HACD2: variants seen among roughly 807,000 people sequenced by gnomAD.
The protein encoded by HACD2 is very-long-chain (3R)-3-hydroxyacyl-CoA dehydratase 2.
In HACD2, 15 loss-of-function variants were observed where a neutral mutation model predicts 31.0. That is an observed-to-expected ratio of 0.48 (90% CI 0.32 to 0.75). The LOEUF (loss-of-function observed/expected upper bound fraction) is 0.75, where lower values mean the gene tolerates loss of function less well. Among genes scored for constraint, HACD2 ranks in the 30% least tolerant of loss-of-function variants. The pLI is 0.03. For synonymous variants in HACD2, 115 were observed against 122.2 expected, an observed-to-expected ratio of 0.94 and a Z score of 0.39; for missense variants, 283 against 313.0, an observed-to-expected ratio of 0.90 and a Z score of 0.72.
At chr3:123,572,815 C>G (rs1444597424) in intron 2 of HACD2, among the ~76,000 whole-genome samples, 1 of 152,200 alleles carries the variant, frequency 6.6e-6, no homozygotes, top group African/African-American at 2.4e-5. Flanking sequence ...TTCAAGACCT[C>G]AGCTGCAGCC....
At chr3:123,536,264 C>A (rs905569536) in intron 3 of HACD2, among the ~76,000 whole-genome samples, 1 of 152,232 alleles carries the variant, frequency 6.6e-6, no homozygotes, top group East Asian at 1.9e-4. Flanking sequence ...AAATTCAAAT[C>A]CTTAAATTGT....
chr3:123,506,535 T>A (rs2055977457), intron 4 of HACD2, among the ~76,000 whole-genome samples: 1 of 152,152 alleles, frequency 6.6e-6, no homozygotes, highest in Non-Finnish European at 1.5e-5. Flanking sequence ...TCAGGACTGA[T>A]CCTCCCACCT....
intron 3 of HACD2, among the ~76,000 whole-genome samples, chr3:123,544,231 G>T (rs976714349): frequency 3.9e-5 from 6 of 152,134 alleles, no homozygotes; most frequent in African/African-American, 1.4e-4. Flanking sequence ...AGTGAAGCTT[G>T]TCAAAGTACT....
intron 3 of HACD2, among the ~76,000 whole-genome samples, chr3:123,534,650 GTCCT>G (rs1365416677): frequency 6.6e-6 from 1 of 152,082 alleles, no homozygotes; most frequent in Non-Finnish European, 1.5e-5. Context: ...ATTTAGGCAA[GTCCT>G]TCAGGAGGTA....
intron 2 of HACD2, among the ~76,000 whole-genome samples, chr3:123,580,440 C>A (rs942078176): frequency 6.6e-6 from 1 of 152,058 alleles, no homozygotes; most frequent in African/African-American, 2.4e-5. Flanking sequence ...CACACCACTG[C>A]ACTTCAGCCT....
intron 4 of HACD2, among the ~76,000 whole-genome samples, chr3:123,518,904 G>A (rs1164706283): frequency 6.6e-6 from 1 of 151,048 alleles, no homozygotes; most frequent in African/African-American, 2.4e-5. Context: ...GGCTGAGGCA[G>A]GAGAATCGCT....
At chr3:123,502,232 T>C (rs935107664) in intron 5 of HACD2, among the ~76,000 whole-genome samples, 2 of 152,096 alleles carry the variant, frequency 1.3e-5, no homozygotes, top group African/African-American at 4.8e-5. Context: ...AATGTGATGA[T>C]ATGGACAAAA....
intron 3 of HACD2, among the ~76,000 whole-genome samples, chr3:123,542,424 A>G (rs1475672815): frequency 6.6e-6 from 1 of 152,200 alleles, no homozygotes; most frequent in Non-Finnish European, 1.5e-5. Flanking sequence ...AAACAACCAT[A>G]CTCACATTTT....
At chr3:123,536,553 C>T (rs897351556) in intron 3 of HACD2, among the ~76,000 whole-genome samples, 12 of 152,156 alleles carry the variant, frequency 7.9e-5, no homozygotes, top group African/African-American at 1.9e-4. Context: ...TTATCCCCAA[C>T]GACGGGGATG....
chr3:123,500,230 C>T (rs1384208974), intron 6 of HACD2, among the ~76,000 whole-genome samples: 1 of 152,134 alleles, frequency 6.6e-6, no homozygotes, highest in Non-Finnish European at 1.5e-5. Context: ...GTTTTCCATT[C>T]AGTACTTTCC....
chr3:123,502,404 T>C (rs1278564747), intron 5 of HACD2, among the ~76,000 whole-genome samples, 156 bp downstream of exon 5: 2 of 152,186 alleles, frequency 1.3e-5, no homozygotes, highest in African/African-American at 4.8e-5. Flanking sequence ...CAAAGTTAAG[T>C]ACAGACTCCT....
At chr3:123,504,776 T>C (rs2055952012) in intron 4 of HACD2, among the ~76,000 whole-genome samples, 1 of 152,210 alleles carries the variant, frequency 6.6e-6, no homozygotes, top group South Asian at 2.1e-4. Flanking sequence ...TGCAAAATCA[T>C]TTCTTCCAAT....
intron 2 of HACD2, among the ~76,000 whole-genome samples, chr3:123,569,402 C>A (rs1025317242): frequency 7.9e-5 from 12 of 152,180 alleles, no homozygotes; most frequent in Non-Finnish European, 1.6e-4. Flanking sequence ...TATTCTGTCA[C>A]CCAGGCAGAG....
chr3:123,567,793 A>G lies in HACD2; in HGVS notation c.274-13T>C. 6.7e-7 allele frequency: 1 copy of G among 1,481,868 alleles called. No homozygotes were observed. The allele number at this position is 1,481,868 out of a possible 1,614,324, so 91.8% of individuals were successfully genotyped here. A position where few individuals can be genotyped will look rare whatever the true frequency, so the allele number is the denominator to read the frequency against. ...CACAATGTAAAATCTAGAGGAAAAA[A>G]GGGGAAAAAAGAGGAGAATTAGTAA... On this transcript the variant is annotated splice_polypyrimidine_tract_variant and intron_variant, in intron 2 of 6. Transcript: ENST00000383657.
At position 123,534,029 on chromosome 3, in the gene HACD2, AGT is replaced by A. The variant is rs62840760; in HGVS notation, c.293-5557_293-5556del. On this transcript the variant is annotated intron_variant, in intron 3 of 6. Coordinates refer to ENST00000383657, the MANE Select transcript of HACD2 (RefSeq NM_198402.5). ...CTGGCAGATAAAAGAAACATAGTGGAGTGTGTGTGTGTGTGTGTGTGTGAAGC... is the reference window on the plus strand; with the variant it reads ...CTGGCAGATAAAAGAAACATAGTGGAGTGTGTGTGTGTGTGTGTGTGAAGC... 4.6e-3 allele frequency among the ~76,000 whole-genome samples: 689 copies of A among 149,940 alleles called. 5 individuals are homozygous for A. The highest frequency in any genetic ancestry group is 0.016 in the African/African-American group (661 of 41,020).
chr3:123,527,187 T>C (rs186201399), intron 4 of HACD2, among the ~76,000 whole-genome samples: 1 of 152,206 alleles, frequency 6.6e-6, no homozygotes, highest in Non-Finnish European at 1.5e-5. Context: ...AAATTATGAG[T>C]TGTTGGTTAA....
chr3:123,520,573 T>C (rs2107698956), intron 4 of HACD2, among the ~76,000 whole-genome samples: 1 of 152,354 alleles, frequency 6.6e-6, no homozygotes, highest in Middle Eastern at 3.4e-3. Flanking sequence ...AAAGTTCTAT[T>C]GGACAGTGCT....
At chr3:123,549,448 C>G (rs2056595317) in intron 3 of HACD2, among the ~76,000 whole-genome samples, 1 of 152,106 alleles carries the variant, frequency 6.6e-6, no homozygotes, top group South Asian at 2.1e-4. Context: ...GAGCCACCAT[C>G]AAAAGCACCA....
intron 4 of HACD2, among the ~76,000 whole-genome samples, chr3:123,518,911 C>T (rs966579525): frequency 1.3e-5 from 2 of 148,642 alleles, no homozygotes; most frequent in East Asian, 2.0e-4. Flanking sequence ...GCAGGAGAAT[C>T]GCTTGAACCA....
Sources: allele counts gnomAD v4.1 joint callset (sites outside exome capture counted in the v4.1 genomes callset), GRCh38; gene constraint gnomAD v4.1.1; transcripts MANE v1.5; gene names NCBI Gene and HGNC (gene_info 2026-07-23, HGNC 2026-07-21).